NFIC: variants seen among roughly 807,000 people sequenced by gnomAD.
NFIC encodes nuclear factor 1 C-type.
In NFIC, 12 loss-of-function variants were observed where a neutral mutation model predicts 54.4. That is an observed-to-expected ratio of 0.22 (90% confidence interval 0.14 to 0.36). The LOEUF (loss-of-function observed/expected upper bound fraction) is 0.36, where lower values mean the gene tolerates loss of function less well. NFIC is among the 10% of genes least tolerant of loss of function. The probability of loss-of-function intolerance (pLI) is 1.00; values close to 1 mark genes in which losing one functional copy is unlikely to be tolerated. For synonymous variants in NFIC, 322 were observed against 319.2 expected, an observed-to-expected ratio of 1.01 and a Z score of -0.09; for missense variants, 575 against 718.2, an observed-to-expected ratio of 0.80 and a Z score of 2.28.
chr19:3,425,305 G>C (rs2082010590), intron 3 of NFIC, 128 bp downstream of exon 3: 4 of 1,133,486 alleles, frequency 3.5e-6, no homozygotes, highest in Non-Finnish European at 3.7e-6. Flanking sequence ...GAGAGGTTAA[G>C]GGGCCTGTCC....
chr19:3,466,753 T>C lies in NFIC; in HGVS notation c.*3984T>C, dbSNP rs368229276. On this transcript the variant is annotated 3_prime_UTR_variant, in exon 11 of 11. Coordinates refer to ENST00000443272, the MANE Select transcript of NFIC (RefSeq NM_001245002.2). The surrounding 1 kb of genome is among the most constrained non-coding windows in gnomAD (Gnocchi z 4.8). ...AAGGGAGTGGGTGGCCCCATCACTATTGGGACCATCGCGTCCCTGCACAGC... is the reference window on the plus strand; with the variant it reads ...AAGGGAGTGGGTGGCCCCATCACTACTGGGACCATCGCGTCCCTGCACAGC... 3.9e-5 allele frequency: 6 copies of C among 152,130 alleles called. No individual in the cohort carries two copies. The East Asian group carries it at 9.7e-4, about 25-fold the overall frequency. 9.4% of individuals were successfully genotyped at this position (152,130 alleles called of 1,614,324 possible).
Position 3,463,000 on chromosome 19 carries a change from G to A in NFIC, c.*231G>A, listed in dbSNP as rs2082663593. The stretch of plus-strand genomic sequence containing the variant: ...AAATAAAAACCCACCCAAGCAAGAA[G>A]ACAAAAGGTAAAGACGCAACGTTTC... On this transcript the variant is annotated 3_prime_UTR_variant, in exon 11 of 11. Coordinates refer to ENST00000443272, the MANE Select transcript of NFIC (RefSeq NM_001245002.2). The A allele has an allele frequency of 1.4e-6, 2 of 1,401,456 alleles. No individual in the cohort carries two copies. The highest frequency in any genetic ancestry group is 1.8e-6 in the Non-Finnish European group (2 of 1,084,216). 86.8% of individuals were successfully genotyped at this position (1,401,456 alleles called of 1,614,324 possible). A position where few individuals can be genotyped will look rare whatever the true frequency, so the allele number is the denominator to read the frequency against.
At chr19:3,395,451 G>A (rs1022980377) in intron 2 of NFIC, among the ~76,000 whole-genome samples, 3 of 146,084 alleles carry the variant, frequency 2.1e-5, no homozygotes, top group Non-Finnish European at 4.5e-5. Flanking sequence ...AGCCTCCTAA[G>A]TCGCTGGGGC....
At chr19:3,421,355 G>A (rs1245012922) in intron 2 of NFIC, among the ~76,000 whole-genome samples, 1 of 152,218 alleles carries the variant, frequency 6.6e-6, no homozygotes, top group East Asian at 1.9e-4. Context: ...GCGCCCGGAC[G>A]GCCGGCTGCC....
Position 3,371,920 on chromosome 19 carries a change from CTT to C in NFIC, c.30+5255_30+5256del, listed in dbSNP as rs1599558916. Among the ~76,000 whole-genome samples the C allele has an allele frequency of 6.1e-5, 8 of 131,726 alleles. No individual in the cohort carries two copies. In the South Asian group the frequency reaches 1.4e-3, roughly 23 times the overall value. The allele number at this position is 131,726 out of a possible 152,430, so 86.4% of individuals were successfully genotyped here. A position where few individuals can be genotyped will look rare whatever the true frequency, so the allele number is the denominator to read the frequency against. On this transcript the variant is annotated intron_variant, in intron 1 of 10. Coordinates refer to ENST00000443272, the MANE Select transcript of NFIC (RefSeq NM_001245002.2). ...CCTTCCTTCCTTCCTTCCTTCCTTC[CTT>C]CCTTCCTTCCTTCCTTCCCTCCCTC...
chr19:3,375,296 G>C lies in NFIC; in HGVS notation c.31-6416G>C, dbSNP rs958366301. Among the ~76,000 whole-genome samples the C allele has an allele frequency of 3.3e-5, 5 of 152,144 alleles. No individual in the cohort carries two copies. Among genetic ancestry groups the C allele is most frequent in the Non-Finnish European group, 5.9e-5 (4 of 68,006 alleles). On this transcript the variant is annotated intron_variant, in intron 1 of 10. Coordinates refer to ENST00000443272, the MANE Select transcript of NFIC (RefSeq NM_001245002.2). This position sits in a 1 kb window ranked among gnomAD's most constrained non-coding sequence, Gnocchi z 4.6. Reference sequence around the variant, plus strand: ...CTGGACAACATTGTCCGGGCCTCCTGCCCGCCTGGCATCTCCTCCACAGGC... The same window carrying C: ...CTGGACAACATTGTCCGGGCCTCCTCCCCGCCTGGCATCTCCTCCACAGGC...
At chr19:3,373,617 A>ACC (rs150678004) in intron 1 of NFIC, among the ~76,000 whole-genome samples, 3,207 of 78,446 alleles carry the variant, frequency 0.041, 67 homozygotes, top group South Asian at 0.066. Flanking sequence ...ACCTTCCTGG[A>ACC]CCCCCCCCCC....
rs750328500 is a variant in NFIC, at chr19:3,463,405, G to T, written c.*636G>T. The stretch of plus-strand genomic sequence containing the variant: ...CAGAGGCGGGCAGGGTGGGGCAGGC[G>T]AGTGGTGTCGCGGGGGTGCGTGGCG... On this transcript the variant is annotated 3_prime_UTR_variant, in exon 11 of 11. Transcript: ENST00000443272. The T allele has an allele frequency of 5.1e-6, 5 of 985,616 alleles. No homozygotes were observed. The highest frequency in any genetic ancestry group is 6.0e-6 in the Non-Finnish European group (5 of 830,114). 61.1% of individuals were successfully genotyped at this position (985,616 alleles called of 1,614,324 possible). A position where few individuals can be genotyped will look rare whatever the true frequency, so the allele number is the denominator to read the frequency against.
chr19:3,442,635 CCT>C (rs752810955), intron 6 of NFIC, among the ~76,000 whole-genome samples: 28 of 152,168 alleles, frequency 1.8e-4, no homozygotes, highest in Non-Finnish European at 4.1e-4. Context: ...GATCCGCCCG[CCT>C]CGGCCTCCCA....
At chr19:3,410,058 T>C (rs1312322943) in intron 2 of NFIC, among the ~76,000 whole-genome samples, 1 of 150,704 alleles carries the variant, frequency 6.6e-6, no homozygotes, top group East Asian at 2.0e-4. Context: ...TTTTTTTTCC[T>C]GAGACGGAGT....
intron 2 of NFIC, among the ~76,000 whole-genome samples, chr19:3,386,160 G>T (rs2081292818): frequency 6.6e-6 from 1 of 151,874 alleles, no homozygotes; most frequent in African/African-American, 2.4e-5. Context: ...GCCAAGGCAG[G>T]TGACTCTCCT....
intron 2 of NFIC, among the ~76,000 whole-genome samples, chr19:3,399,768 G>A (rs1003422475): frequency 2.6e-5 from 4 of 152,104 alleles, no homozygotes; most frequent in African/African-American, 7.2e-5. Context: ...CTACTGGGGA[G>A]GCTGAGGCAG....
intron 2 of NFIC, among the ~76,000 whole-genome samples, chr19:3,417,719 G>A (rs867902150): frequency 1.4e-3 from 205 of 147,372 alleles, no homozygotes; most frequent in African/African-American, 4.4e-3. Flanking sequence ...TCTGCCTCCC[G>A]GGTTCACGCC....
chr19:3,388,175 A>T (rs2081327309), intron 2 of NFIC, among the ~76,000 whole-genome samples: 1 of 152,102 alleles, frequency 6.6e-6, no homozygotes, highest in African/African-American at 2.4e-5. Context: ...CCGGCCCGGG[A>T]AGCTCATAGC....
Position 3,467,411 on chromosome 19 carries a change from A to AGAACCTGG in NFIC, c.*4643_*4644insAACCTGGG, listed in dbSNP as rs971753619. 7 of 151,674 alleles carry AGAACCTGG rather than the reference A, an allele frequency of 4.6e-5. No individual in the cohort carries two copies. The highest frequency in any genetic ancestry group is 8.8e-5 in the Non-Finnish European group (6 of 67,892). 9.4% of individuals were successfully genotyped at this position (151,674 alleles called of 1,614,324 possible). The stretch of plus-strand genomic sequence containing the variant: ...GGAGGATCTGGAGTCCTTCATGCCC[A>AGAACCTGG]GGTCTGGAACCCAGGTTCTGACCCC... On this transcript the variant is annotated 3_prime_UTR_variant, in exon 11 of 11. Coordinates refer to ENST00000443272, the MANE Select transcript of NFIC (RefSeq NM_001245002.2).
chr19:3,456,312 G>A (rs1366754334), intron 9 of NFIC, among the ~76,000 whole-genome samples: 1 of 151,890 alleles, frequency 6.6e-6, no homozygotes, highest in African/African-American at 2.4e-5. Flanking sequence ...CCACCTGGGC[G>A]ATCTCAGCCG....
intron 1 of NFIC, among the ~76,000 whole-genome samples, chr19:3,377,873 C>T (rs569443195): frequency 5.3e-5 from 8 of 152,090 alleles, no homozygotes; most frequent in Non-Finnish European, 7.4e-5. Context: ...CTCTCCACCT[C>T]GGCCTCCCAA....
intron 6 of NFIC, among the ~76,000 whole-genome samples, chr19:3,448,259 G>A (rs556549620): frequency 6.6e-6 from 1 of 152,198 alleles, no homozygotes; most frequent in Non-Finnish European, 1.5e-5. Context: ...TTTTAGTGGA[G>A]ACAGGGTTTC....
rs1415005806 is a variant in NFIC at position 3,467,832 on chromosome 19, A to G, written c.*5063A>G. 3 of 141,864 alleles carry G rather than the reference A, an allele frequency of 2.1e-5. No homozygotes were observed. Among genetic ancestry groups the G allele is most frequent in the Admixed American group, 7.1e-5 (1 of 13,992 alleles). 8.8% of individuals were successfully genotyped at this position (141,864 alleles called of 1,614,324 possible). On this transcript the variant is annotated 3_prime_UTR_variant, in exon 11 of 11. Transcript: ENST00000443272. Reference sequence around the variant, plus strand: ...TCATAATACAGAATATATAGTGGCTACCTTGTATCTTGGTCTGGATTCTCT... The same window carrying G: ...TCATAATACAGAATATATAGTGGCTGCCTTGTATCTTGGTCTGGATTCTCT...
Sources: allele counts gnomAD v4.1 joint callset (sites outside exome capture counted in the v4.1 genomes callset), GRCh38; gene constraint gnomAD v4.1.1; non-coding constraint Gnocchi (gnomAD v3.1); transcripts MANE v1.5; gene names NCBI Gene and HGNC (gene_info 2026-07-23, HGNC 2026-07-21).